The following DEPTOR variants were observed in gnomAD, a reference collection of about 807,000 sequenced individuals.
The protein encoded by DEPTOR is DEP domain containing MTOR interacting protein.
DEPTOR carries 41 observed loss-of-function variants against 41.6 expected under a neutral mutation model. The observed-to-expected ratio is 0.98, with a 90% CI of 0.77 to 1.28. The LOEUF is 1.28. DEPTOR is among the 50% of genes most tolerant of loss of function. The pLI is 0.00. For missense variants in DEPTOR, 514 were observed against 527.9 expected, an observed-to-expected ratio of 0.97 and a Z score of 0.26; for synonymous variants, 195 against 192.3, an observed-to-expected ratio of 1.01 and a Z score of -0.12.
rs71571643 is a variant in DEPTOR, at chr8:119,988,958, CTT to C, written c.605-12546_605-12545del. Among the ~76,000 whole-genome samples, 325 of 93,892 alleles carry C rather than the reference CTT, an allele frequency of 3.5e-3. 5 individuals are homozygous for C. The highest frequency in any genetic ancestry group is 0.012 in the African/African-American group (262 of 22,628). The allele number at this position is 93,892 out of a possible 152,430, so 61.6% of individuals were successfully genotyped here. A position where few individuals can be genotyped will look rare whatever the true frequency, so the allele number is the denominator to read the frequency against. ...GCTATAGCCATATCCTTTTTTTTTT[CTT>C]TTTTTTTTTTTTTTTTTTTTAATAG... is the stretch of plus-strand genomic sequence containing the variant. On this transcript the variant is annotated intron_variant, in intron 4 of 8. Coordinates refer to ENST00000286234, the MANE Select transcript of DEPTOR (RefSeq NM_022783.4).
intron 1 of DEPTOR, among the ~76,000 whole-genome samples, chr8:119,910,145 T>G (rs1054901747): frequency 2.6e-5 from 4 of 152,212 alleles, no homozygotes; most frequent in African/African-American, 9.6e-5. Context: ...ACCAAGAGTA[T>G]TCAGGGGCTA....
intron 4 of DEPTOR, among the ~76,000 whole-genome samples, chr8:119,984,553 A>G (rs1828806103): frequency 6.6e-6 from 1 of 152,168 alleles, no homozygotes; most frequent in African/African-American, 2.4e-5. Flanking sequence ...TTTGCTGAGA[A>G]TGATGGTTTC....
intron 1 of DEPTOR, among the ~76,000 whole-genome samples, chr8:119,911,935 C>T (rs1318192128): frequency 1.1e-4 from 17 of 152,108 alleles, no homozygotes; most frequent in African/African-American, 4.1e-4. Flanking sequence ...TACCCTAAGC[C>T]CTGTCCCACA....
chr8:119,873,789 G>T lies in DEPTOR; in HGVS notation c.-58G>T. ...AGCGTCTGTGAGGGCAGACTGATCC[G>T]AGCACCCAAACCCTCGGCGGACAGC... On this transcript the variant is annotated 5_prime_UTR_variant, in exon 1 of 9. Coordinates refer to ENST00000286234, the MANE Select transcript of DEPTOR (RefSeq NM_022783.4). 1.2e-6 allele frequency: 2 copies of T among 1,600,374 alleles called. No individual in the cohort carries two copies. The highest frequency in any genetic ancestry group is 1.7e-6 in the Non-Finnish European group (2 of 1,173,526).
At chr8:120,023,275 C>A (rs923974429) in intron 8 of DEPTOR, among the ~76,000 whole-genome samples, 1 of 152,048 alleles carries the variant, frequency 6.6e-6, no homozygotes, top group African/African-American at 2.4e-5. Context: ...CAGTCTCACT[C>A]TGTGGCCCAG....
At chr8:119,927,422 G>A (rs1486676381) in intron 1 of DEPTOR, among the ~76,000 whole-genome samples, 3 of 151,838 alleles carry the variant, frequency 2.0e-5, no homozygotes, top group Non-Finnish European at 4.4e-5. Context: ...AAATAGAGTT[G>A]TTTGTAATCT....
At chr8:119,881,159 A>T (rs1469738482) in intron 1 of DEPTOR, among the ~76,000 whole-genome samples, 1 of 152,222 alleles carries the variant, frequency 6.6e-6, no homozygotes, top group Non-Finnish European at 1.5e-5. Flanking sequence ...TTTAATAAAA[A>T]CGTCTTTAAT....
At chr8:119,934,958 A>T (rs971374031) in intron 3 of DEPTOR, among the ~76,000 whole-genome samples, 5 of 152,192 alleles carry the variant, frequency 3.3e-5, no homozygotes, top group African/African-American at 9.7e-5. Flanking sequence ...ATATGAGTGT[A>T]TGCTATTGCT....
rs528774742 is a variant in DEPTOR at position 119,981,454 on chromosome 8, A to G, written c.604+16044A>G. ...GGCAATCGTTTGAGGCCAGGAATTC[A>G]AGACAAGCCTGGGCAACACAGTGAA... On this transcript the variant is annotated intron_variant, in intron 4 of 8. Coordinates refer to ENST00000286234, the MANE Select transcript of DEPTOR (RefSeq NM_022783.4). 1.5e-3 allele frequency among the ~76,000 whole-genome samples: 229 copies of G among 152,054 alleles called. 1 individual carries two copies. The highest frequency in any genetic ancestry group is 5.4e-3 in the African/African-American group (222 of 41,478).
intron 1 of DEPTOR, among the ~76,000 whole-genome samples, chr8:119,882,524 A>G (rs984346998): frequency 2.6e-5 from 4 of 151,814 alleles, no homozygotes; most frequent in African/African-American, 4.8e-5. Context: ...CCTCCCAAGT[A>G]TCTGAGACTC....
chr8:120,029,859 T>A (rs1812859096), intron 8 of DEPTOR, among the ~76,000 whole-genome samples: 1 of 152,106 alleles, frequency 6.6e-6, no homozygotes, highest in Non-Finnish European at 1.5e-5. Flanking sequence ...ACTCTTGGGA[T>A]GGAGAGAGTG....
At chr8:119,998,039 GGTATATA>G (rs1276884646) in intron 4 of DEPTOR, among the ~76,000 whole-genome samples, 1 of 152,202 alleles carries the variant, frequency 6.6e-6, no homozygotes, top group East Asian at 1.9e-4. Flanking sequence ...AAAAGTACCT[GGTATATA>G]GTCAACCTAA....
chr8:120,015,723 G>A (rs976627964), intron 8 of DEPTOR, among the ~76,000 whole-genome samples: 4 of 152,156 alleles, frequency 2.6e-5, no homozygotes, highest in African/African-American at 7.2e-5. Context: ...CTCCAAAGCC[G>A]AAAGAGGAGA....
intron 3 of DEPTOR, among the ~76,000 whole-genome samples, chr8:119,950,637 C>T (rs1828340307): frequency 6.6e-6 from 1 of 152,010 alleles, no homozygotes; most frequent in African/African-American, 2.4e-5. Context: ...CTCTCTGTCA[C>T]CCAGGCTGGA....
chr8:119,957,375 G>A (rs1030136413), intron 3 of DEPTOR, among the ~76,000 whole-genome samples: 4 of 152,106 alleles, frequency 2.6e-5, no homozygotes, highest in Admixed American at 6.6e-5. Flanking sequence ...CCTAGGCTTC[G>A]AGAGGGACCT....
At chr8:119,969,351 T>G (rs146965463) in intron 4 of DEPTOR, among the ~76,000 whole-genome samples, 132 of 139,838 alleles carry the variant, frequency 9.4e-4, no homozygotes, top group East Asian at 7.3e-3. Context: ...ATCTGTTTTG[T>G]TTTTTTTTGT....
intron 3 of DEPTOR, among the ~76,000 whole-genome samples, chr8:119,935,999 G>GTTT (rs67211224): frequency 2.8e-4 from 35 of 123,832 alleles, no homozygotes; most frequent in Admixed American, 1.1e-3. Context: ...TAGTCTAGTT[G>GTTT]TTTTTTTTTT....
chr8:119,895,376 A>G (rs1337017189), intron 1 of DEPTOR, among the ~76,000 whole-genome samples: 23 of 152,222 alleles, frequency 1.5e-4, no homozygotes, highest in Non-Finnish European at 1.0e-4. Flanking sequence ...ATTAAGGAAC[A>G]GCTTAACTGG....
chr8:119,940,194 G>T (rs1033909669), intron 3 of DEPTOR, among the ~76,000 whole-genome samples: 1 of 151,808 alleles, frequency 6.6e-6, no homozygotes, highest in Non-Finnish European at 1.5e-5. Context: ...TCCAGCCTGG[G>T]CAACAAGAGT....
Sources: allele counts gnomAD v4.1 joint callset (sites outside exome capture counted in the v4.1 genomes callset), GRCh38; gene constraint gnomAD v4.1.1; transcripts MANE v1.5; gene names NCBI Gene and HGNC (gene_info 2026-07-23, HGNC 2026-07-21).